Variants in IL34 observed in about 807,000 individuals in gnomAD.
IL34 encodes interleukin-34.
IL34 carries 17 observed loss-of-function variants against 25.3 expected under a neutral mutation model. The ratio of observed to expected loss-of-function variants is 0.67; its 90% confidence interval spans 0.46 to 1.01. The LOEUF (loss-of-function observed/expected upper bound fraction) is 1.01. Ranked by LOEUF, IL34 falls within the 50% of genes least tolerant of loss-of-function variation. The pLI, the probability that IL34 is intolerant of heterozygous loss-of-function variation, is 0.00. For synonymous variants in IL34, 174 were observed against 140.9 expected, an observed-to-expected ratio of 1.23 and a Z score of -1.66; for missense variants, 368 against 312.9, an observed-to-expected ratio of 1.18 and a Z score of -1.33.
intron 1 of IL34, among the ~76,000 whole-genome samples, chr16:70,630,945 C>A (rs920045348): frequency 3.3e-5 from 5 of 152,074 alleles, no homozygotes; most frequent in Non-Finnish European, 5.9e-5. Context: ...AATAGTGCTG[C>A]AATAAACATG....
At chr16:70,625,513 G>A (rs1477217812) in intron 1 of IL34, among the ~76,000 whole-genome samples, 3 of 152,096 alleles carry the variant, frequency 2.0e-5, no homozygotes, top group Non-Finnish European at 2.9e-5. Flanking sequence ...TAGAGAGGGA[G>A]AGAAGGAGTT....
At chr16:70,611,662 G>C (rs940360510) in intron 1 of IL34, among the ~76,000 whole-genome samples, 2 of 151,802 alleles carry the variant, frequency 1.3e-5, no homozygotes, top group African/African-American at 4.8e-5. Flanking sequence ...TGACCAACAT[G>C]GTGAAACCCC....
At chr16:70,607,652 T>C (rs570121291) in intron 1 of IL34, among the ~76,000 whole-genome samples, 40 of 152,206 alleles carry the variant, frequency 2.6e-4, no homozygotes, top group Non-Finnish European at 5.1e-4. Flanking sequence ...GTTAAGGAAG[T>C]TCCCTTCTCT....
intron 1 of IL34, among the ~76,000 whole-genome samples, chr16:70,650,112 C>T (rs376913687): frequency 4.6e-5 from 7 of 152,220 alleles, no homozygotes; most frequent in Middle Eastern, 6.8e-3. Context: ...GTTGTGGGTT[C>T]TTACCTCTGG....
chr16:70,654,895 T>C (rs2052176334), intron 2 of IL34, among the ~76,000 whole-genome samples: 1 of 152,098 alleles, frequency 6.6e-6, no homozygotes, highest in Non-Finnish European at 1.5e-5. Context: ...TCGATCTCAC[T>C]TTAATCCCAC....
At chr16:70,637,938 T>C (rs2051693266) in intron 1 of IL34, among the ~76,000 whole-genome samples, 1 of 152,236 alleles carries the variant, frequency 6.6e-6, no homozygotes, top group Non-Finnish European at 1.5e-5. Flanking sequence ...GACATTTAGG[T>C]GGTTTCCAGG....
chr16:70,624,005 G>T (rs541318847), intron 1 of IL34, among the ~76,000 whole-genome samples: 1 of 151,296 alleles, frequency 6.6e-6, no homozygotes, highest in Non-Finnish European at 1.5e-5. Context: ...GAAGCTCGGC[G>T]TCTGTGATGG....
chr16:70,654,346 C>T, intron 1 of IL34, 192 bp from the exon 2 acceptor site: 2 of 643,438 alleles, frequency 3.1e-6, no homozygotes, highest in Non-Finnish European at 5.1e-6. Flanking sequence ...ACTGCTAGTG[C>T]CTGCCTGACC....
At chr16:70,650,523 G>T (rs2052052997) in intron 1 of IL34, among the ~76,000 whole-genome samples, 1 of 152,230 alleles carries the variant, frequency 6.6e-6, no homozygotes, top group South Asian at 2.1e-4. Flanking sequence ...GTGCTGTAGG[G>T]TTGGGAGGTG....
intron 1 of IL34, among the ~76,000 whole-genome samples, chr16:70,624,137 G>C (rs1224255304): frequency 1.3e-5 from 2 of 152,082 alleles, no homozygotes; most frequent in Admixed American, 1.3e-4. Context: ...CAGGTGAGTT[G>C]AACAGTCCGA....
chr16:70,587,609 G>A (rs555637703), intron 1 of IL34, among the ~76,000 whole-genome samples: 10 of 151,862 alleles, frequency 6.6e-5, no homozygotes, highest in East Asian at 1.9e-4. Context: ...GCCACCTGCC[G>A]CCTATAGGAC....
rs761163867 is a variant in IL34 at position 70,660,191 on chromosome 16, C to G, written c.*4C>G. 6.4e-7 allele frequency: 1 copy of G among 1,562,594 alleles called. No homozygotes were observed. The highest frequency in any genetic ancestry group is 2.0e-5 in the Admixed American group (1 of 50,870). On this transcript the variant is annotated 3_prime_UTR_variant, in exon 6 of 6. Coordinates refer to ENST00000288098, the MANE Select transcript of IL34 (RefSeq NM_001393494.1). ...GGGCGAGGGCCTCTTGCCCTGAGCA[C>G]CCTGGATGGTGACTGCGGATAGGGG...
chr16:70,659,313 G>T (rs1322591222), intron 4 of IL34, among the ~76,000 whole-genome samples: 1 of 152,218 alleles, frequency 6.6e-6, no homozygotes, highest in Non-Finnish European at 1.5e-5. Context: ...ACGCAGTGGT[G>T]GGTGGCCGTG....
chr16:70,632,979 T>A (rs2051554048), intron 1 of IL34, among the ~76,000 whole-genome samples: 1 of 151,830 alleles, frequency 6.6e-6, no homozygotes, highest in South Asian at 2.1e-4. Context: ...CAGGACATAT[T>A]TTTTTTTGAA....
intron 1 of IL34, among the ~76,000 whole-genome samples, chr16:70,639,787 C>T (rs1271296651): frequency 6.6e-6 from 1 of 152,066 alleles, no homozygotes; most frequent in Non-Finnish European, 1.5e-5. Context: ...GACCCTGTCT[C>T]TACAAAAACT....
At position 70,650,225 on chromosome 16, in the gene IL34, T is replaced by TG. The variant is rs199682011; in HGVS notation, c.28+3254dup. 1.5e-4 allele frequency among the ~76,000 whole-genome samples: 23 copies of TG among 152,150 alleles called. No homozygotes were observed. The East Asian group carries it at 4.4e-3, about 29-fold the overall frequency. ...ATGTGGGGGACAGTGGCCTTGAGGT[T>TG]GGGGCTGTGCTGTCCCTGCCTGGTC... On this transcript the variant is annotated intron_variant, in intron 1 of 5. Transcript: ENST00000288098.
chr16:70,626,358 C>G (rs567728720), intron 1 of IL34, among the ~76,000 whole-genome samples: 1 of 151,996 alleles, frequency 6.6e-6, no homozygotes, highest in Non-Finnish European at 1.5e-5. Context: ...CAAAACCTTC[C>G]CACTTTAAGA....
At chr16:70,625,193 G>A (rs367799510) in intron 1 of IL34, among the ~76,000 whole-genome samples, 4 of 151,940 alleles carry the variant, frequency 2.6e-5, no homozygotes, top group African/African-American at 4.8e-5. Flanking sequence ...TTTTAAGTTC[G>A]TGAGAAGTCA....
chr16:70,646,158 C>T (rs1289932380), upstream of IL34, among the ~76,000 whole-genome samples: 2 of 152,098 alleles, frequency 1.3e-5, no homozygotes, highest in African/African-American at 4.8e-5. Context: ...AATCCTCCCA[C>T]CTTGGCCTCC....
Sources: gnomAD v4.1 joint callset for allele counts (sites outside exome capture counted in the v4.1 genomes callset) on GRCh38, gnomAD v4.1.1 for gene constraint, MANE v1.5 for transcripts, NCBI Gene and HGNC (gene_info 2026-07-23, HGNC 2026-07-21) for gene names.